TRIM37: variants seen among roughly 807,000 people sequenced by gnomAD.
The protein encoded by TRIM37 is E3 ubiquitin-protein ligase TRIM37.
TRIM37 carries 80 observed loss-of-function variants against 129.8 expected under a neutral mutation model. The observed-to-expected ratio is 0.62, with a 90% CI of 0.51 to 0.74. The LOEUF (loss-of-function observed/expected upper bound fraction) is 0.74. Ranked by LOEUF, TRIM37 falls within the 30% of genes least tolerant of loss-of-function variation. The pLI is 0.00. For missense variants in TRIM37, 1,054 were observed against 1,176.5 expected (o/e 0.90, Z 1.52); for synonymous variants, 389 against 387.1 (o/e 1.00, Z -0.06).
chr17:59,051,600 A>T (rs1489642317), intron 13 of TRIM37, among the ~76,000 whole-genome samples: 3 of 152,248 alleles, frequency 2.0e-5, no homozygotes, highest in Non-Finnish European at 4.4e-5. Flanking sequence ...TATTTATTAT[A>T]ATAATGTAAC....
chr17:59,073,973 A>G (rs1300806936), intron 8 of TRIM37, among the ~76,000 whole-genome samples: 1 of 152,238 alleles, frequency 6.6e-6, no homozygotes, highest in Non-Finnish European at 1.5e-5. Context: ...ATTCTAGAAT[A>G]ATGAATGGTA....
Position 59,031,936 on chromosome 17 carries a change from G to A in TRIM37, c.1908C>T (p.Gly636=). ...GTGAAGCAGGTGGGCGAGGCTGTAA[G>A]CCCCACAAATTTTCTATACTGCTCC... The part of the protein sequence containing the change: ...KDRSSIENLW[G]LQPRPPASLL... Residue 636 remains glycine, a synonymous_variant, in exon 18 of 24, where the codon GGC becomes GGT. Coordinates refer to ENST00000262294, the MANE Select transcript of TRIM37 (RefSeq NM_015294.6). 1 of 1,614,088 alleles carries A rather than the reference G, an allele frequency of 6.2e-7. No homozygotes were observed. Among genetic ancestry groups the A allele is most frequent in the Non-Finnish European group, 8.5e-7 (1 of 1,179,986 alleles).
chr17:59,040,760 T>C (rs34058624), intron 17 of TRIM37, among the ~76,000 whole-genome samples: 37,287 of 152,030 alleles, frequency 0.25, 4,934 homozygotes, highest in African/African-American at 0.34. Context: ...ATTAAGAATA[T>C]GCCAGGCCGG....
chr17:59,091,509 TCA>T lies in TRIM37; in HGVS notation c.124-171_124-170del, dbSNP rs67304672. On this transcript the variant is annotated intron_variant, in intron 2 of 23. Coordinates refer to ENST00000262294, the MANE Select transcript of TRIM37 (RefSeq NM_015294.6). ...ATATAATATATTATTATATAACATA[TCA>T]TATATATATAATGTATAATGTATAA... is the stretch of plus-strand genomic sequence containing the variant. 0.43 allele frequency among the ~76,000 whole-genome samples: 56,671 copies of T among 132,652 alleles called. 12,576 individuals carry two copies. The highest frequency in any genetic ancestry group is 0.54 in the Middle Eastern group (147 of 270). The allele number at this position is 132,652 out of a possible 152,430, so 87.0% of individuals were successfully genotyped here. A position where few individuals can be genotyped will look rare whatever the true frequency, so the allele number is the denominator to read the frequency against.
chr17:58,992,711 T>C (rs552705450), intron 24 of TRIM37, among the ~76,000 whole-genome samples: 41 of 152,134 alleles, frequency 2.7e-4, no homozygotes, highest in Non-Finnish European at 4.9e-4. Context: ...AACTTCCTTA[T>C]GTAGGCATAA....
chr17:59,093,080 G>A (rs1459593390), intron 2 of TRIM37, among the ~76,000 whole-genome samples: 1 of 152,158 alleles, frequency 6.6e-6, no homozygotes, highest in Admixed American at 6.5e-5. Context: ...AACCCAGGAG[G>A]TGGAGGCTGC....
At chr17:59,055,685 CAAAAAAAAAAAAAAA>C (rs934273591) in intron 13 of TRIM37, among the ~76,000 whole-genome samples, 1 of 23,854 alleles carries the variant, frequency 4.2e-5, no homozygotes, top group Admixed American at 3.7e-4. Flanking sequence ...GACTCCATCT[CAAAAAAAAAAAAAAA>C]AAAAAAAAAG....
At position 59,049,296 on chromosome 17, in the gene TRIM37, C is replaced by T. The variant is rs764519568; in HGVS notation, c.1412G>A (p.Arg471Gln). 9.3e-6 allele frequency: 15 copies of T among 1,614,020 alleles called. No individual in the cohort carries two copies. The highest frequency in any genetic ancestry group is 6.7e-5 in the East Asian group (3 of 44,894). ...SPQNDDALET[R>Q]AKKSACSDML... ...GTCAGAGCATGCAGACTTCTTAGCT[C>T]GTGTCTCCAGAGCATCATCATTTTG... Residue 471 changes from arginine to glutamine, a missense_variant, in exon 15 of 24, where the codon CGA becomes CAA. Physicochemically the swap from Arg to Gln is conservative, Grantham distance 43. This residue lies in a region of TRIM37 where 752 missense variants were observed against 870.8 expected (regional missense o/e 0.86). Coordinates refer to ENST00000262294, the MANE Select transcript of TRIM37 (RefSeq NM_015294.6).
chr17:59,039,792 G>C (rs967257664), intron 17 of TRIM37, among the ~76,000 whole-genome samples: 5 of 152,086 alleles, frequency 3.3e-5, no homozygotes, highest in Non-Finnish European at 5.9e-5. Flanking sequence ...AGACACAAAG[G>C]AATTTATGTG....
intron 2 of TRIM37, among the ~76,000 whole-genome samples, chr17:59,091,724 G>T (rs2044405488): frequency 6.9e-6 from 1 of 144,718 alleles, no homozygotes; most frequent in South Asian, 2.1e-4. Flanking sequence ...ACTTATAAAA[G>T]TAACAGGCAA....
intron 2 of TRIM37, among the ~76,000 whole-genome samples, chr17:59,100,474 G>GT (rs1267566511): frequency 7.9e-5 from 12 of 152,130 alleles, no homozygotes; most frequent in Non-Finnish European, 1.5e-4. Context: ...AGCCAGATCC[G>GT]TAAGAGTACA....
downstream of TRIM37, among the ~76,000 whole-genome samples, chr17:58,979,754 C>T (rs2031252502): frequency 6.6e-6 from 1 of 152,132 alleles, no homozygotes; most frequent in African/African-American, 2.4e-5. Flanking sequence ...AGGACTTATG[C>T]CCAGTAACTA....
At chr17:59,020,309 T>C (rs745352129) in intron 19 of TRIM37, among the ~76,000 whole-genome samples, 1 of 104,864 alleles carries the variant, frequency 9.5e-6, no homozygotes, top group Non-Finnish European at 2.0e-5. Context: ...TAAAAGACAA[T>C]GGATGAAATA....
rs543440182 is a variant in TRIM37 at position 59,061,776 on chromosome 17, A to T, written c.943-668T>A. Among the ~76,000 whole-genome samples, 19 of 152,260 alleles carry T rather than the reference A, an allele frequency of 1.2e-4. No homozygotes were observed. In the South Asian group the frequency reaches 3.3e-3, roughly 27 times the overall value. On this transcript the variant is annotated intron_variant, in intron 11 of 23. Transcript: ENST00000262294. The stretch of plus-strand genomic sequence containing the variant: ...TTTAAACATCTGTTCCCCCAACGAG[A>T]CAATGAAGGCTGACAACAGAGATCC...
chr17:58,985,653 T>C (rs1194239760), intron 24 of TRIM37, among the ~76,000 whole-genome samples: 1 of 151,996 alleles, frequency 6.6e-6, no homozygotes, highest in Non-Finnish European at 1.5e-5. Context: ...AAGGACAATG[T>C]GGGGGAGGGA....
chr17:59,094,330 A>C (rs2044666362), intron 2 of TRIM37, among the ~76,000 whole-genome samples: 1 of 152,240 alleles, frequency 6.6e-6, no homozygotes, highest in African/African-American at 2.4e-5. Context: ...ATATCTTTAG[A>C]GCATTCCCCC....
At chr17:59,027,861 TC>T (rs1438793120) in intron 19 of TRIM37, among the ~76,000 whole-genome samples, 1 of 152,156 alleles carries the variant, frequency 6.6e-6, no homozygotes, top group African/African-American at 2.4e-5. Context: ...GCCATACTGG[TC>T]TTCCTTCAAT....
At chr17:59,064,714 G>C (rs1434297028) in intron 9 of TRIM37, among the ~76,000 whole-genome samples, 1 of 152,172 alleles carries the variant, frequency 6.6e-6, no homozygotes, top group African/African-American at 2.4e-5. Context: ...CTCAAGACCA[G>C]CATGGCCAAC....
At chr17:59,075,187 T>C (rs1266174780) in intron 8 of TRIM37, among the ~76,000 whole-genome samples, 2 of 151,878 alleles carry the variant, frequency 1.3e-5, no homozygotes, top group Non-Finnish European at 2.9e-5. Context: ...CCTAATTTCA[T>C]AAAAATCTCC....
Sources: allele counts gnomAD v4.1 joint callset (sites outside exome capture counted in the v4.1 genomes callset), GRCh38; gene constraint gnomAD v4.1.1; regional missense constraint gnomAD v4.1.1; transcripts MANE v1.5; gene names NCBI Gene and HGNC (gene_info 2026-07-23, HGNC 2026-07-21).